PRUNE2: variants seen among roughly 807,000 people sequenced by gnomAD.
The protein encoded by PRUNE2 is prune homolog 2 with BCH domain.
In PRUNE2, 164 loss-of-function variants were observed where a neutral mutation model predicts 252.0. The observed-to-expected ratio is 0.65, with a 90% CI of 0.57 to 0.74. The LOEUF (loss-of-function observed/expected upper bound fraction) is 0.74, where lower values mean the gene tolerates loss of function less well. PRUNE2 is among the 30% of genes least tolerant of loss of function. PRUNE2 has a pLI of 0.00. For synonymous variants in PRUNE2, 1,292 were observed against 1,350.2 expected, an observed-to-expected ratio of 0.96 and a Z score of 0.94; for missense variants, 3,495 against 3,711.0, an observed-to-expected ratio of 0.94 and a Z score of 1.51.
chr9:76,718,418 C>T (rs2047345753), intron 6 of PRUNE2, among the ~76,000 whole-genome samples: 1 of 146,800 alleles, frequency 6.8e-6, no homozygotes, highest in East Asian at 2.4e-4. Flanking sequence ...AAACTCTCTT[C>T]TCAAAAGTAC....
At chr9:76,712,032 T>G (rs915111870) in intron 7 of PRUNE2, among the ~76,000 whole-genome samples, 1 of 152,060 alleles carries the variant, frequency 6.6e-6, no homozygotes, top group Non-Finnish European at 1.5e-5. Context: ...TCAGGAGTAT[T>G]TTGTTGTGCT....
chr9:76,670,742 C>G (rs7857022), intron 9 of PRUNE2, among the ~76,000 whole-genome samples: 225 of 151,848 alleles, frequency 1.5e-3, no homozygotes, highest in African/African-American at 4.8e-3. Flanking sequence ...GGGTCCCTGA[C>G]CCCTGACCCC....
chr9:76,899,620 G>A (rs564115590), intron 1 of PRUNE2, among the ~76,000 whole-genome samples: 2 of 152,252 alleles, frequency 1.3e-5, no homozygotes, highest in African/African-American at 2.4e-5. Context: ...TGAGCATCAG[G>A]TACTGCACCA....
At chr9:76,690,382 A>G (rs1216973393) in intron 9 of PRUNE2, among the ~76,000 whole-genome samples, 2 of 152,198 alleles carry the variant, frequency 1.3e-5, no homozygotes, top group Non-Finnish European at 2.9e-5. Flanking sequence ...GTTAAGTAGG[A>G]AAAAAACCCA....
intron 1 of PRUNE2, among the ~76,000 whole-genome samples, chr9:76,854,857 G>T (rs1420030623): frequency 6.6e-6 from 1 of 151,766 alleles, no homozygotes; most frequent in Non-Finnish European, 1.5e-5. Context: ...GAGGTCAGGA[G>T]ATCGAGATCA....
intron 6 of PRUNE2, among the ~76,000 whole-genome samples, chr9:76,810,474 C>A (rs1257765255): frequency 6.6e-6 from 1 of 152,168 alleles, no homozygotes; most frequent in African/African-American, 2.4e-5. Context: ...TGAAGGAATA[C>A]AAGAAGACAA....
chr9:76,734,760 G>T (rs1204325742), intron 6 of PRUNE2, among the ~76,000 whole-genome samples: 1 of 152,170 alleles, frequency 6.6e-6, no homozygotes, highest in Non-Finnish European at 1.5e-5. Context: ...GGTGACCCAG[G>T]CCTAGCCATA....
At chr9:76,827,859 TATA>T (rs1208455305) in intron 4 of PRUNE2, among the ~76,000 whole-genome samples, 4 of 152,212 alleles carry the variant, frequency 2.6e-5, no homozygotes, top group Admixed American at 2.6e-4. Flanking sequence ...CTCACAGTGT[TATA>T]CTAAGCATCA....
intron 6 of PRUNE2, among the ~76,000 whole-genome samples, chr9:76,789,760 C>G (rs2055376634): frequency 6.6e-6 from 1 of 152,142 alleles, no homozygotes; most frequent in African/African-American, 2.4e-5. Flanking sequence ...GGCCTCTCCT[C>G]TCTCCTCTCA....
At chr9:76,627,929 T>C (rs1384014591) in intron 16 of PRUNE2, 2 of 306,772 alleles carry the variant, frequency 6.5e-6, no homozygotes, top group Non-Finnish European at 1.3e-5. Flanking sequence ...TACATGAGAA[T>C]TCTTTCCTTC....
intron 11 of PRUNE2, among the ~76,000 whole-genome samples, chr9:76,649,355 C>T (rs1846226540): frequency 1.1e-5 from 1 of 91,374 alleles, no homozygotes; most frequent in African/African-American, 5.1e-5. Context: ...TAATTTGTTC[C>T]TATCATCTAT....
At chr9:76,729,197 T>C (rs1395405984) in intron 6 of PRUNE2, among the ~76,000 whole-genome samples, 1 of 152,236 alleles carries the variant, frequency 6.6e-6, no homozygotes, top group African/African-American at 2.4e-5. Flanking sequence ...CTCCAGGTGC[T>C]GTCTTTAGGA....
chr9:76,854,325 C>T (rs1197337950), intron 1 of PRUNE2, 117 bp from the exon 2 acceptor site: 2 of 479,578 alleles, frequency 4.2e-6, no homozygotes, highest in Admixed American at 3.7e-5. Flanking sequence ...GGCAGAGAAT[C>T]ATAAATTTAT....
intron 1 of PRUNE2, among the ~76,000 whole-genome samples, chr9:76,902,090 C>T (rs867055711): frequency 6.6e-6 from 1 of 152,160 alleles, no homozygotes; most frequent in South Asian, 2.1e-4. Context: ...GTGTGGGGAG[C>T]CTGGCTTCCT....
intron 1 of PRUNE2, among the ~76,000 whole-genome samples, chr9:76,899,490 C>G (rs754880286): frequency 1.3e-5 from 2 of 152,154 alleles, no homozygotes; most frequent in Non-Finnish European, 2.9e-5. Context: ...TCTTCAGATT[C>G]AGACCTCCAA....
intron 6 of PRUNE2, among the ~76,000 whole-genome samples, chr9:76,799,445 A>G (rs2056383771): frequency 6.6e-6 from 1 of 152,166 alleles, no homozygotes; most frequent in Admixed American, 6.6e-5. Flanking sequence ...TATTTTTGCC[A>G]CACTGAGCAT....
At chr9:76,701,762 C>A (rs1056824954) in intron 9 of PRUNE2, among the ~76,000 whole-genome samples, 2 of 152,186 alleles carry the variant, frequency 1.3e-5, no homozygotes, top group Admixed American at 6.5e-5. Context: ...CTATTCTTTC[C>A]ATTGTCCTTG....
At chr9:76,819,724 T>C (rs995559697) in intron 6 of PRUNE2, among the ~76,000 whole-genome samples, 3 of 152,164 alleles carry the variant, frequency 2.0e-5, no homozygotes, top group Admixed American at 6.5e-5. Context: ...TAACAGTCTT[T>C]TGGGAGATGC....
At chr9:76,796,563 A>G (rs1166531947) in intron 6 of PRUNE2, among the ~76,000 whole-genome samples, 2 of 152,226 alleles carry the variant, frequency 1.3e-5, no homozygotes, top group Non-Finnish European at 2.9e-5. Flanking sequence ...AACCTGTTTT[A>G]CTATAAAATG....
Sources: allele counts gnomAD v4.1 joint callset (sites outside exome capture counted in the v4.1 genomes callset), GRCh38; gene constraint gnomAD v4.1.1; transcripts MANE v1.5; gene names NCBI Gene and HGNC (gene_info 2026-07-23, HGNC 2026-07-21).